XKR4: variants seen among roughly 807,000 people sequenced by gnomAD.
XKR4 encodes the protein XK related 4.
In XKR4, 12 loss-of-function variants were observed where a neutral mutation model predicts 53.9. The ratio of observed to expected loss-of-function variants is 0.22; its 90% confidence interval spans 0.14 to 0.36. XKR4 has a LOEUF of 0.36. Ranked by LOEUF, XKR4 falls within the 10% of genes least tolerant of loss-of-function variation. The pLI, the probability that XKR4 is intolerant of heterozygous loss-of-function variation, is 1.00. For synonymous variants in XKR4, 354 were observed against 362.4 expected (o/e 0.98, Z 0.26); for missense variants, 799 against 859.5 (o/e 0.93, Z 0.88).
At chr8:55,451,070 C>T in intron 2 of XKR4, 3 of 522,340 alleles carry the variant, frequency 5.7e-6, no homozygotes, top group Non-Finnish European at 7.0e-6. Flanking sequence ...CTCACTGCTG[C>T]AAGGGGTCCG....
chr8:55,331,380 T>A (rs1803382334), intron 1 of XKR4, among the ~76,000 whole-genome samples: 1 of 152,248 alleles, frequency 6.6e-6, no homozygotes, highest in South Asian at 2.1e-4. Flanking sequence ...ACATATGGTC[T>A]GTTCTAGAGA....
chr8:55,526,736 T>A lies in XKR4; in HGVS notation c.*2509T>A, dbSNP rs1806887459. On this transcript the variant is annotated 3_prime_UTR_variant, in exon 3 of 3. Coordinates refer to ENST00000327381, the MANE Select transcript of XKR4 (RefSeq NM_052898.2). ...ATCAACACAAACCCAACAGGCCCCA[T>A]CATGCTTCAATCATGTAAGTTCTAA... 6.6e-6 allele frequency: 1 copy of A among 152,216 alleles called. No individual in the cohort carries two copies. The highest frequency in any genetic ancestry group is 6.5e-5 in the Admixed American group (1 of 15,282). 9.4% of individuals were successfully genotyped at this position (152,216 alleles called of 1,614,324 possible). A position where few individuals can be genotyped will look rare whatever the true frequency, so the allele number is the denominator to read the frequency against.
chr8:55,302,522 A>G (rs1371438349), intron 1 of XKR4, among the ~76,000 whole-genome samples: 2 of 127,146 alleles, frequency 1.6e-5, no homozygotes, highest in African/African-American at 6.0e-5. Context: ...GTTTTTTCCA[A>G]TTCTGTGAAG....
At chr8:55,441,195 G>T (rs549547480) in intron 2 of XKR4, among the ~76,000 whole-genome samples, 2 of 152,082 alleles carry the variant, frequency 1.3e-5, no homozygotes, top group Non-Finnish European at 2.9e-5. Context: ...AACTGTGATT[G>T]GACTACTGCA....
At chr8:55,283,047 C>G (rs1227051617) in intron 1 of XKR4, among the ~76,000 whole-genome samples, 1 of 152,184 alleles carries the variant, frequency 6.6e-6, no homozygotes, top group African/African-American at 2.4e-5. Context: ...CAGTCACATG[C>G]TGTACAGGTG....
chr8:55,199,203 C>T (rs191766308), intron 1 of XKR4, among the ~76,000 whole-genome samples: 42 of 152,070 alleles, frequency 2.8e-4, no homozygotes, highest in Admixed American at 1.4e-3. Context: ...CAACAGTGGA[C>T]TGGGTCAGAC....
rs369983175 is a variant in XKR4 at position 55,247,855 on chromosome 8, C to CTTTCTTTCTTTCTTTCTTTCTTTCT, written c.807-109820_807-109819insCTTTCTTTCTTTCTTTCTTTCTTTT. Among the ~76,000 whole-genome samples the CTTTCTTTCTTTCTTTCTTTCTTTCT allele has an allele frequency of 1.2e-3, 71 of 59,904 alleles. 1 individual carries two copies. Among genetic ancestry groups the CTTTCTTTCTTTCTTTCTTTCTTTCT allele is most frequent in the Non-Finnish European group, 2.3e-3 (52 of 22,128 alleles). 39.3% of individuals were successfully genotyped at this position (59,904 alleles called of 152,430 possible). On this transcript the variant is annotated intron_variant, in intron 1 of 2. Coordinates refer to ENST00000327381, the MANE Select transcript of XKR4 (RefSeq NM_052898.2). ...TTTCTTTTTCTTTCTTTCTTTCTTT[C>CTTTCTTTCTTTCTTTCTTTCTTTCT]TTTTTTTTTTTTTTTTTTTGAGACA...
chr8:55,131,602 T>G (rs1048903008), intron 1 of XKR4, among the ~76,000 whole-genome samples: 1 of 152,204 alleles, frequency 6.6e-6, no homozygotes, highest in African/African-American at 2.4e-5. Context: ...TAGCATCCCC[T>G]GAACTGAGTG....
intron 2 of XKR4, among the ~76,000 whole-genome samples, chr8:55,449,258 A>T (rs1805388555): frequency 6.6e-6 from 1 of 152,086 alleles, no homozygotes; most frequent in Non-Finnish European, 1.5e-5. Flanking sequence ...TGGCTGGACT[A>T]TTTACAGGCC....
chr8:55,264,960 T>C (rs1028115290), intron 1 of XKR4, among the ~76,000 whole-genome samples: 10 of 152,246 alleles, frequency 6.6e-5, no homozygotes, highest in Admixed American at 2.0e-4. Flanking sequence ...AGCTGCTAGA[T>C]GCCAGATAGT....
At chr8:55,334,976 A>G (rs1303062524) in intron 1 of XKR4, among the ~76,000 whole-genome samples, 2 of 152,130 alleles carry the variant, frequency 1.3e-5, no homozygotes, top group African/African-American at 2.4e-5. Context: ...CTCTTTAGAG[A>G]TGGATAGCAG....
At chr8:55,507,859 T>C (rs960786355) in intron 2 of XKR4, among the ~76,000 whole-genome samples, 2 of 152,222 alleles carry the variant, frequency 1.3e-5, no homozygotes, top group Non-Finnish European at 2.9e-5. Context: ...TTTGGGTATA[T>C]ACCCAGTAAT....
intron 2 of XKR4, among the ~76,000 whole-genome samples, chr8:55,475,461 G>A (rs1029720245): frequency 6.6e-6 from 1 of 151,960 alleles, no homozygotes; most frequent in Non-Finnish European, 1.5e-5. Flanking sequence ...CTGTCATCCA[G>A]GCTGGAGAGC....
chr8:55,131,206 G>A (rs879252943), intron 1 of XKR4, among the ~76,000 whole-genome samples: 2 of 113,638 alleles, frequency 1.8e-5, no homozygotes, highest in Admixed American at 1.9e-4. Context: ...CTTGAGCCAC[G>A]CCTCAAATCC....
chr8:55,475,271 G>A (rs1563361067), intron 2 of XKR4, among the ~76,000 whole-genome samples: 1 of 152,120 alleles, frequency 6.6e-6, no homozygotes, highest in Non-Finnish European at 1.5e-5. Context: ...TATATGTGAT[G>A]GCCCAGGGTT....
At chr8:55,392,410 G>A (rs1804455954) in intron 2 of XKR4, among the ~76,000 whole-genome samples, 1 of 152,164 alleles carries the variant, frequency 6.6e-6, no homozygotes, top group South Asian at 2.1e-4. Flanking sequence ...GGCCAAAGAT[G>A]AGACAATGTT....
chr8:55,420,525 T>TATCGCAAGAACAAAAAACC (rs1804911397), intron 2 of XKR4, among the ~76,000 whole-genome samples: 1 of 148,366 alleles, frequency 6.7e-6, no homozygotes, highest in Non-Finnish European at 1.5e-5. Flanking sequence ...CTCAGTAAAC[T>TATCGCAAGAACAAAAAACC]ATCGCAAGAA....
At chr8:55,464,122 T>A (rs1242507755) in intron 2 of XKR4, among the ~76,000 whole-genome samples, 1 of 152,146 alleles carries the variant, frequency 6.6e-6, no homozygotes, top group Non-Finnish European at 1.5e-5. Flanking sequence ...CCTAACTCAT[T>A]TTATGTGGCC....
At chr8:55,222,025 T>C (rs1400480966) in intron 1 of XKR4, among the ~76,000 whole-genome samples, 1 of 152,228 alleles carries the variant, frequency 6.6e-6, no homozygotes, top group Non-Finnish European at 1.5e-5. Context: ...CCATGGGCCC[T>C]GCATATTTCC....
Sources: allele counts gnomAD v4.1 joint callset (sites outside exome capture counted in the v4.1 genomes callset), GRCh38; gene constraint gnomAD v4.1.1; transcripts MANE v1.5; gene names NCBI Gene and HGNC (gene_info 2026-07-23, HGNC 2026-07-21).